The following TENM2 variants were observed in gnomAD, a reference collection of about 807,000 sequenced individuals.
TENM2 encodes the protein teneurin-2.
A neutral mutation model predicts 245.2 loss-of-function variants in TENM2; 52 were observed. The ratio of observed to expected loss-of-function variants is 0.21; its 90% CI spans 0.17 to 0.27. The LOEUF (loss-of-function observed/expected upper bound fraction) is 0.27, where lower values mean the gene tolerates loss of function less well. Ranked by LOEUF, TENM2 falls within the 10% of genes least tolerant of loss-of-function variation. The pLI is 1.00. For synonymous variants in TENM2, 1,363 were observed against 1,438.9 expected, an observed-to-expected ratio of 0.95 and a Z score of 1.19; for missense variants, 3,046 against 3,666.8, an observed-to-expected ratio of 0.83 and a Z score of 4.37.
chr5:167,993,170 G>A (rs747170432), exon 5 of TENM2: 2 of 1,613,886 alleles, frequency 1.2e-6, no homozygotes, highest in Non-Finnish European at 1.7e-6. Context: ...TATTTTGCTG[G>A]CGTATTTCAT....
intron 2 of TENM2, among the ~76,000 whole-genome samples, chr5:167,665,795 A>G (rs1192675121): frequency 6.6e-6 from 1 of 152,092 alleles, no homozygotes; most frequent in Non-Finnish European, 1.5e-5. Flanking sequence ...TGGCCTCTCC[A>G]CTCTTTCTTA....
chr5:167,865,647 T>C (rs185609855), intron 2 of TENM2, among the ~76,000 whole-genome samples: 217 of 152,026 alleles, frequency 1.4e-3, no homozygotes, highest in East Asian at 0.01. Flanking sequence ...CGCGCTACCA[T>C]GCCTGAAAAT....
At chr5:167,663,179 AGAG>A (rs1755345649) in intron 2 of TENM2, among the ~76,000 whole-genome samples, 1 of 144,854 alleles carries the variant, frequency 6.9e-6, no homozygotes, top group African/African-American at 2.7e-5. Context: ...AGAGAGAGAG[AGAG>A]AGAGAAAGAG....
At chr5:167,398,412 TTCTC>T (rs1256842755) in intron 2 of TENM2, among the ~76,000 whole-genome samples, 2 of 112,948 alleles carry the variant, frequency 1.8e-5, no homozygotes, top group Non-Finnish European at 3.5e-5. Context: ...CTTTCTTTCT[TTCTC>T]TCTCTCTCTT....
At chr5:167,053,988 C>T in the TENM2 span, among the ~76,000 whole-genome samples, 2 of 152,154 alleles carry the variant, frequency 1.3e-5, no homozygotes, top group South Asian at 2.1e-4. Context: ...TCCACTAGAA[C>T]ATCCTCCACC....
At chr5:168,257,287 G>T (rs1226193850) in intron 27 of TENM2, among the ~76,000 whole-genome samples, 3 of 151,970 alleles carry the variant, frequency 2.0e-5, no homozygotes, top group African/African-American at 7.3e-5. Context: ...GGGATGGGGG[G>T]TGGCAGTTGG....
intron 3 of TENM2, among the ~76,000 whole-genome samples, chr5:167,893,923 T>C (rs780608258): frequency 6.6e-6 from 1 of 152,184 alleles, no homozygotes; most frequent in Non-Finnish European, 1.5e-5. Context: ...AAATCATGCA[T>C]TTTATGTAGT....
exon 21 of TENM2, chr5:168,215,109 C>A (rs369290036): frequency 1.7e-5 from 28 of 1,613,676 alleles, no homozygotes; most frequent in Non-Finnish European, 2.2e-5. Context: ...TGTCCGACAC[C>A]AACAGCAGGA....
At chr5:167,420,657 C>T (rs796348296) in intron 2 of TENM2, among the ~76,000 whole-genome samples, 5 of 152,280 alleles carry the variant, frequency 3.3e-5, no homozygotes, top group African/African-American at 1.2e-4. Context: ...CTCAATAAGG[C>T]CCACCCTGAC....
chr5:166,999,525 A>G, the TENM2 span, among the ~76,000 whole-genome samples: 1 of 152,124 alleles, frequency 6.6e-6, no homozygotes, highest in Admixed American at 6.6e-5. Context: ...TTTTGTTGAA[A>G]GATGCTGAGC....
chr5:167,875,201 C>T (rs1224582341), intron 2 of TENM2, among the ~76,000 whole-genome samples: 2 of 151,974 alleles, frequency 1.3e-5, no homozygotes, highest in Non-Finnish European at 2.9e-5. Flanking sequence ...TTCAAGAAGA[C>T]AAACATGGAA....
At chr5:167,253,866 T>A in the TENM2 span, among the ~76,000 whole-genome samples, 1 of 152,066 alleles carries the variant, frequency 6.6e-6, no homozygotes, top group Non-Finnish European at 1.5e-5. Context: ...TCTGAAAGAT[T>A]CTGCTGCAAC....
At chr5:167,271,587 G>A in the TENM2 span, among the ~76,000 whole-genome samples, 4 of 152,238 alleles carry the variant, frequency 2.6e-5, no homozygotes, top group Admixed American at 6.5e-5. Context: ...TATAAGGTAC[G>A]TGTTATCCCT....
chr5:167,420,269 C>G (rs763934685), intron 2 of TENM2, among the ~76,000 whole-genome samples: 3 of 152,158 alleles, frequency 2.0e-5, no homozygotes, highest in Non-Finnish European at 4.4e-5. Context: ...ATCCAGTTCT[C>G]AAAAACAATC....
At chr5:167,888,801 T>C (rs1044161125) in intron 3 of TENM2, among the ~76,000 whole-genome samples, 5 of 152,222 alleles carry the variant, frequency 3.3e-5, no homozygotes, top group African/African-American at 1.2e-4. Context: ...CTGTTGCTTA[T>C]TATCCTTATT....
At chr5:167,861,401 C>T (rs959283813) in intron 2 of TENM2, among the ~76,000 whole-genome samples, 2 of 152,184 alleles carry the variant, frequency 1.3e-5, no homozygotes, top group African/African-American at 2.4e-5. Flanking sequence ...TGGAGCCCCA[C>T]AGGTAGTGGA....
At chr5:167,243,771 T>A in the TENM2 span, among the ~76,000 whole-genome samples, 1 of 152,156 alleles carries the variant, frequency 6.6e-6, no homozygotes, top group East Asian at 1.9e-4. Context: ...TCCTCTTACC[T>A]TCTCCCTGAT....
chr5:167,817,552 TA>T (rs1767156119), intron 2 of TENM2, among the ~76,000 whole-genome samples: 1 of 152,228 alleles, frequency 6.6e-6, no homozygotes, highest in African/African-American at 2.4e-5. Context: ...TCAAAACCAT[TA>T]GATAGTTAGA....
At chr5:167,582,141 T>C (rs1775139007) in intron 2 of TENM2, among the ~76,000 whole-genome samples, 1 of 152,172 alleles carries the variant, frequency 6.6e-6, no homozygotes, top group Admixed American at 6.5e-5. Flanking sequence ...TGTTACCACT[T>C]ACTGTTGATG....
Sources: gnomAD v4.1 joint callset for allele counts (sites outside exome capture counted in the v4.1 genomes callset) on GRCh38, gnomAD v4.1.1 for gene constraint, MANE v1.5 for transcripts, NCBI Gene and HGNC (gene_info 2026-07-23, HGNC 2026-07-21) for gene names.